The following ALDH2 variants were observed in gnomAD, a reference collection of about 807,000 sequenced individuals.
ALDH2 encodes aldehyde dehydrogenase, mitochondrial.
Under a neutral mutation model 59.6 loss-of-function variants are expected in ALDH2, and 44 were observed. The ratio of observed to expected loss-of-function variants is 0.74; its 90% CI spans 0.58 to 0.95. ALDH2 has a LOEUF of 0.95. Among genes scored for constraint, ALDH2 ranks in the 40% least tolerant of loss-of-function variants. The pLI, the probability that ALDH2 is intolerant of heterozygous loss-of-function variation, is 0.00. For synonymous variants in ALDH2, 291 were observed against 284.0 expected, an observed-to-expected ratio of 1.02 and a Z score of -0.25; for missense variants, 570 against 696.3, an observed-to-expected ratio of 0.82 and a Z score of 2.04.
At chr12:111,804,177 G>A (rs900567535) in intron 12 of ALDH2, among the ~76,000 whole-genome samples, 2 of 152,112 alleles carry the variant, frequency 1.3e-5, no homozygotes, top group African/African-American at 2.4e-5. Flanking sequence ...TGCTGGGCGG[G>A]CCACCTTTTG....
chr12:111,800,054 G>C lies in ALDH2; in HGVS notation c.1397G>C (p.Gly466Ala), dbSNP rs1468489165. The C allele has an allele frequency of 6.2e-7, 1 of 1,611,758 alleles. No individual in the cohort carries two copies. The highest frequency in any genetic ancestry group is 1.3e-5 in the African/African-American group (1 of 75,038). ...ANYLSQALQA[G>A]TVWVNCYDVF... ...TACCTGTCCCAGGCCCTCCAGGCGG[G>C]CACTGTGTGGTAAGAGCCTCCCAGC... The change falls in exon 11 of 13, where the codon GGC becomes GCC. Residue 466 changes from glycine (G) to alanine (A), a missense_variant. Coordinates refer to ENST00000261733, the MANE Select transcript of ALDH2 (RefSeq NM_000690.4).
At chr12:111,789,681 TTG>T (rs758402171) in intron 4 of ALDH2, 140 bp from the exon 5 acceptor site, 27 of 706,160 alleles carry the variant, frequency 3.8e-5, no homozygotes, top group East Asian at 8.1e-5. Flanking sequence ...TTGCAGTCAC[TTG>T]TCTCTCTCTG....
intron 1 of ALDH2, among the ~76,000 whole-genome samples, chr12:111,771,339 G>A (rs1256888547): frequency 6.6e-6 from 1 of 152,116 alleles, no homozygotes; most frequent in Non-Finnish European, 1.5e-5. Flanking sequence ...TGAGGCTTCA[G>A]TGAGCTTTGA....
chr12:111,800,339 A>G (rs2068441427), intron 11 of ALDH2, among the ~76,000 whole-genome samples: 1 of 152,228 alleles, frequency 6.6e-6, no homozygotes, highest in Non-Finnish European at 1.5e-5. Context: ...AGAGGGACCC[A>G]TGATTGTGAC....
rs1427663586 is a variant in ALDH2, at chr12:111,815,538, A to G, written c.*5963A>G. On this transcript the variant is annotated 3_prime_UTR_variant, in exon 13 of 13. Coordinates refer to ENST00000261733, the MANE Select transcript of ALDH2 (RefSeq NM_000690.4). ...CCTGGCGATATGGCTTACTTATGAG[A>G]CAGCACCTGACCTACAGCCATCTAT... 6.6e-6 allele frequency: 1 copy of G among 152,114 alleles called. No individual in the cohort carries two copies. Among genetic ancestry groups the G allele is most frequent in the African/African-American group, 2.4e-5 (1 of 41,416 alleles). 9.4% of individuals were successfully genotyped at this position (152,114 alleles called of 1,614,324 possible). A position where few individuals can be genotyped will look rare whatever the true frequency, so the allele number is the denominator to read the frequency against.
intron 2 of ALDH2, among the ~76,000 whole-genome samples, chr12:111,782,403 A>T (rs1186643423): frequency 2.0e-5 from 3 of 152,236 alleles, no homozygotes; most frequent in Non-Finnish European, 4.4e-5. Flanking sequence ...TAAAATTTTT[A>T]AATTAGACTC....
intron 9 of ALDH2, 52 bp from the exon 10 acceptor site, chr12:111,798,026 A>C (rs1284189081): frequency 6.2e-7 from 1 of 1,605,646 alleles, no homozygotes; most frequent in Non-Finnish European, 8.5e-7. Context: ...CCTGAAGCCT[A>C]GGAGAGGTCT....
chr12:111,788,141 C>T (rs1455690004), intron 4 of ALDH2, among the ~76,000 whole-genome samples: 2 of 149,338 alleles, frequency 1.3e-5, no homozygotes, highest in South Asian at 4.3e-4. Context: ...ACCTGGGAGG[C>T]GGAGGTTGCA....
At chr12:111,796,461 C>T (rs529165229) in intron 9 of ALDH2, among the ~76,000 whole-genome samples, 2 of 151,996 alleles carry the variant, frequency 1.3e-5, no homozygotes, top group South Asian at 4.1e-4. Context: ...GTGATCACAC[C>T]ACTGCACTGC....
At chr12:111,790,402 T>G (rs770671499) in intron 5 of ALDH2, 32 bp from the exon 6 acceptor site, 18 of 1,613,150 alleles carry the variant, frequency 1.1e-5, no homozygotes, top group Non-Finnish European at 1.4e-5. Flanking sequence ...TGAGGAAGCT[T>G]GGATTTCGAG....
chr12:111,798,388 A>G, intron 10 of ALDH2, 146 bp downstream of exon 10: 1 of 799,618 alleles, frequency 1.3e-6, no homozygotes. Flanking sequence ...ATAACACGCT[A>G]TTCATAGTAT....
intron 11 of ALDH2, among the ~76,000 whole-genome samples, chr12:111,803,143 C>T (rs999962854): frequency 6.6e-6 from 1 of 151,504 alleles, no homozygotes; most frequent in African/African-American, 2.4e-5. Context: ...TGAGATCTCA[C>T]CACTGCACTC....
chr12:111,798,768 A>C (rs1446185028), intron 10 of ALDH2, among the ~76,000 whole-genome samples: 8 of 151,972 alleles, frequency 5.3e-5, no homozygotes, highest in Admixed American at 2.6e-4. Context: ...ACACTTTGGG[A>C]GGCCGAAGTG....
At chr12:111,782,127 T>A in intron 2 of ALDH2, 105 bp downstream of exon 2, 1 of 827,648 alleles carries the variant, frequency 1.2e-6, no homozygotes, top group Non-Finnish European at 2.0e-6. Context: ...CTTTCACAAG[T>A]AACAGATACC....
intron 11 of ALDH2, among the ~76,000 whole-genome samples, chr12:111,802,747 G>C (rs1268126308): frequency 6.6e-6 from 1 of 151,204 alleles, no homozygotes; most frequent in Non-Finnish European, 1.5e-5. Context: ...GGGTGTGGTG[G>C]CGGGCACCTG....
At chr12:111,788,224 A>G (rs2068327739) in intron 4 of ALDH2, among the ~76,000 whole-genome samples, 1 of 152,136 alleles carries the variant, frequency 6.6e-6, no homozygotes, top group South Asian at 2.1e-4. Flanking sequence ...AAAAAGAAAA[A>G]AAAAAAGAAA....
intron 1 of ALDH2, among the ~76,000 whole-genome samples, chr12:111,773,608 A>T (rs1368159908): frequency 1.3e-5 from 2 of 152,198 alleles, no homozygotes; most frequent in African/African-American, 4.8e-5. Flanking sequence ...ATTAAGTATA[A>T]CTAAGGGCAT....
At chr12:111,804,083 G>A (rs928490217) in intron 12 of ALDH2, 110 bp downstream of exon 12, 1 of 701,078 alleles carries the variant, frequency 1.4e-6, no homozygotes. Flanking sequence ...GGGCCTGCCA[G>A]AGGTTCAGGA....
At chr12:111,792,554 T>A in intron 8 of ALDH2, 44 bp from the exon 9 acceptor site, 1 of 1,587,586 alleles carries the variant, frequency 6.3e-7, no homozygotes, top group Non-Finnish European at 8.5e-7. Context: ...GCCAGGGTCC[T>A]CCTCCTCACT....
Sources: gnomAD v4.1 joint callset for allele counts (sites outside exome capture counted in the v4.1 genomes callset) on GRCh38, gnomAD v4.1.1 for gene constraint, MANE v1.5 for transcripts, NCBI Gene and HGNC (gene_info 2026-07-23, HGNC 2026-07-21) for gene names.